The following GRK4 variants were observed in gnomAD, a reference collection of about 807,000 sequenced individuals.
GRK4 encodes G protein-coupled receptor kinase 4.
GRK4 carries 73 observed loss-of-function variants against 77.9 expected under a neutral mutation model. The observed-to-expected ratio is 0.94, with a 90% CI of 0.78 to 1.14. The LOEUF is 1.14. Among genes scored for constraint, GRK4 ranks in the 50% most tolerant of loss-of-function variants. GRK4 has a pLI of 0.00. For missense variants in GRK4, 729 were observed against 700.2 expected (o/e 1.04, Z -0.46); for synonymous variants, 257 against 254.4 (o/e 1.01, Z -0.10).
At chr4:3,001,181 A>G (rs60906299) in intron 4 of GRK4, among the ~76,000 whole-genome samples, 1 of 109,272 alleles carries the variant, frequency 9.2e-6, no homozygotes, top group African/African-American at 4.3e-5. Flanking sequence ...ATATATGTGT[A>G]TGTGTATATA....
At chr4:3,007,857 G>A (rs1731754961) in intron 6 of GRK4, 29 bp downstream of exon 6, 3 of 1,484,704 alleles carry the variant, frequency 2.0e-6, no homozygotes, top group Admixed American at 3.6e-5. Context: ...CTTGATAAAA[G>A]CCAATTGAGG....
At chr4:2,996,366 C>G (rs1727914863) in intron 4 of GRK4, among the ~76,000 whole-genome samples, 1 of 152,124 alleles carries the variant, frequency 6.6e-6, no homozygotes, top group African/African-American at 2.4e-5. Context: ...ACCATCCTGG[C>G]CAAGATGGTG....
rs747725465 is a variant in GRK4 at position 3,028,019 on chromosome 4, G to A, written c.1060+18G>A. 3.7e-5 allele frequency: 60 copies of A among 1,610,198 alleles called. No homozygotes were observed. In the East Asian group the frequency reaches 1.0e-3, roughly 28 times the overall value. On this transcript the variant is annotated intron_variant, in intron 11 of 15. Coordinates refer to ENST00000398052, the MANE Select transcript of GRK4 (RefSeq NM_182982.3). ...CTACATGGGTTCGTGAGAGGCTTTC[G>A]GCGTCCTTGTCCTTTCTATCCGGGT...
In GRK4 at chr4:3,019,666, C is replaced by A; in HGVS notation, c.767C>A (p.Thr256Asn). 1 of 1,613,646 alleles carries A rather than the reference C, an allele frequency of 6.2e-7. No homozygotes were observed. The highest frequency in any genetic ancestry group is 8.5e-7 in the Non-Finnish European group (1 of 1,179,770). ...FVVSLAYAYETKDALCLVLTI... is the reference protein window; with the variant it reads ...FVVSLAYAYENKDALCLVLTI... The stretch of plus-strand genomic sequence containing the variant: ...GTTAGTTTAGCCTACGCTTATGAAA[C>A]CAAAGATGCCTTGTGCTTGGTGCTC... Residue 256 changes from threonine to asparagine, a missense_variant, in exon 9 of 16, where the codon ACC (threonine) becomes AAC (asparagine). By Grantham distance (65) the Thr-to-Asn change is moderately conservative (BLOSUM62 0). Coordinates refer to ENST00000398052, the MANE Select transcript of GRK4 (RefSeq NM_182982.3).
intron 14 of GRK4, among the ~76,000 whole-genome samples, chr4:3,037,728 A>AT (rs1316601772): frequency 3.3e-5 from 5 of 152,258 alleles, no homozygotes; most frequent in African/African-American, 1.2e-4. Context: ...CAGCCTGGCC[A>AT]ACATAGTGAA....
chr4:2,964,315 CGGGCCAGG>C (rs1716758992), intron 1 of GRK4, among the ~76,000 whole-genome samples, 193 bp downstream of exon 1: 1 of 152,148 alleles, frequency 6.6e-6, no homozygotes, highest in African/African-American at 2.4e-5. Context: ...TCAGGCTGCC[CGGGCCAGG>C]TCCCAGTCCC....
chr4:2,984,662 T>A, intron 2 of GRK4, 54 bp downstream of exon 2: 1 of 847,462 alleles, frequency 1.2e-6, no homozygotes, highest in Non-Finnish European at 1.8e-6. Context: ...ATGATACCAT[T>A]CATTAGATGT....
At chr4:2,967,050 C>T (rs1187118947) in intron 1 of GRK4, among the ~76,000 whole-genome samples, 1 of 152,100 alleles carries the variant, frequency 6.6e-6, no homozygotes, top group African/African-American at 2.4e-5. Flanking sequence ...GTATTAGTGC[C>T]TTTATAAAAG....
intron 4 of GRK4, among the ~76,000 whole-genome samples, chr4:2,999,249 G>A (rs116626902): frequency 0.012 from 1,876 of 152,242 alleles, 50 homozygotes; most frequent in African/African-American, 0.043. Context: ...CACACGCCTG[G>A]GTGGGGAGTG....
At chr4:3,006,990 C>T (rs1195604659) in intron 5 of GRK4, among the ~76,000 whole-genome samples, 3 of 152,134 alleles carry the variant, frequency 2.0e-5, no homozygotes, top group African/African-American at 4.8e-5. Context: ...CATGTACACA[C>T]CCTAAACTCT....
In GRK4 at chr4:3,013,759, G is replaced by C; in HGVS notation, c.672G>C (p.Lys224Asn). 3 of 1,613,586 alleles carry C rather than the reference G, an allele frequency of 1.9e-6. No homozygotes were observed. The highest frequency in any genetic ancestry group is 2.5e-6 in the Non-Finnish European group (3 of 1,179,828). Reference sequence around the variant, plus strand: ...AAAAGCTACAAAAAAAAAGAATAAAGAAGAGGAAAGGTGAAGCTATGGCTC... The same window carrying C: ...AAAAGCTACAAAAAAAAAGAATAAACAAGAGGAAAGGTGAAGCTATGGCTC... Reference protein sequence around the residue: ...ACKKLQKKRIKKRKGEAMALN... With the variant: ...ACKKLQKKRINKRKGEAMALN... The change falls in exon 8 of 16, where the codon AAG (lysine) becomes AAC (asparagine). Residue 224 changes from lysine to asparagine, a missense_variant. By Grantham distance (94) the Lys-to-Asn change is moderately conservative. Transcript: ENST00000398052.
At chr4:2,967,629 C>G (rs1718120153) in intron 1 of GRK4, among the ~76,000 whole-genome samples, 1 of 152,158 alleles carries the variant, frequency 6.6e-6, no homozygotes, top group African/African-American at 2.4e-5. Context: ...GAACTCCTGA[C>G]CTCAAGTGAT....
chr4:3,035,436 G>T lies in GRK4; in HGVS notation c.1320G>T (p.Ala440=), dbSNP rs923470399. The T allele has an allele frequency of 1.9e-6, 3 of 1,613,662 alleles. No individual in the cohort carries two copies. Among genetic ancestry groups the T allele is most frequent in the Admixed American group, 1.7e-5 (1 of 59,984 alleles). The change falls in exon 13 of 16, where the codon GCG becomes GCT. Residue 440 remains alanine (A), a synonymous_variant. Transcript: ENST00000398052. ...GGCTGGGCTGCAGGGGCGAGGGAGC[G>T]GCTGGGGTGAAGCAGCACCCCGTGT... The part of the protein sequence containing the change: ...SKRLGCRGEG[A]AGVKQHPVFK...
At chr4:3,013,176 T>C (rs560469389) in intron 7 of GRK4, among the ~76,000 whole-genome samples, 1 of 151,790 alleles carries the variant, frequency 6.6e-6, no homozygotes, top group African/African-American at 2.4e-5. Context: ...CTGGAGTAGC[T>C]GGGGCTACAG....
chr4:2,969,281 C>G (rs779111091), intron 1 of GRK4: 1 of 152,166 alleles, frequency 6.6e-6, no homozygotes, highest in Admixed American at 6.5e-5. Flanking sequence ...CTCAAATGAT[C>G]CACCCGCCTT....
intron 3 of GRK4, 113 bp from the exon 4 acceptor site, chr4:2,992,102 T>A: frequency 6.4e-6 from 4 of 625,544 alleles, no homozygotes; most frequent in Non-Finnish European, 1.1e-5. Flanking sequence ...GGCCTCGAAC[T>A]CTTGAGCTCA....
chr4:2,963,976 G>T lies in GRK4; in HGVS notation c.-95G>T. 8.8e-7 allele frequency: 1 copy of T among 1,130,230 alleles called. No individual in the cohort carries two copies. The highest frequency in any genetic ancestry group is 1.3e-6 in the Non-Finnish European group (1 of 763,578). 70.0% of individuals were successfully genotyped at this position (1,130,230 alleles called of 1,614,324 possible). ...GAGCTCGAGGAGAGGGTGGTGCCCG[G>T]CGAGCTATGCACGGGGGCGGCGGCG... On this transcript the variant is annotated 5_prime_UTR_variant, in exon 1 of 16. Transcript: ENST00000398052.
rs528007701 is a variant in GRK4 at position 3,028,345 on chromosome 4, C to G, written c.1060+344C>G. Among the ~76,000 whole-genome samples the G allele has an allele frequency of 3.1e-3, 466 of 152,364 alleles. 3 individuals are homozygous for G. The highest frequency in any genetic ancestry group is 5.5e-3 in the Non-Finnish European group (373 of 68,036). On this transcript the variant is annotated intron_variant, in intron 11 of 15. Transcript: ENST00000398052. ...CTCTCGGAGCCTCAGGAAATCACCCCACTCTGGTTATTCCAAAGATCCGGG... is the reference window on the plus strand; with the variant it reads ...CTCTCGGAGCCTCAGGAAATCACCCGACTCTGGTTATTCCAAAGATCCGGG...
chr4:3,007,041 C>G (rs1227726407), intron 5 of GRK4, among the ~76,000 whole-genome samples: 3 of 151,946 alleles, frequency 2.0e-5, no homozygotes, highest in African/African-American at 7.2e-5. Flanking sequence ...ATAGTAATAA[C>G]ACAACAATTA....
Sources: allele counts gnomAD v4.1 joint callset (sites outside exome capture counted in the v4.1 genomes callset), GRCh38; gene constraint gnomAD v4.1.1; transcripts MANE v1.5; gene names NCBI Gene and HGNC (gene_info 2026-07-23, HGNC 2026-07-21).